SOX5: variants seen among roughly 807,000 people sequenced by gnomAD.
The protein encoded by SOX5 is transcription factor SOX-5.
In SOX5, 9 loss-of-function variants were observed where a neutral mutation model predicts 92.0. That is an observed-to-expected ratio of 0.10 (90% confidence interval 0.06 to 0.17). The LOEUF is 0.17. Among genes scored for constraint, SOX5 ranks in the 10% least tolerant of loss-of-function variants. The pLI is 1.00. For synonymous variants in SOX5, 344 were observed against 336.3 expected, an observed-to-expected ratio of 1.02 and a Z score of -0.25; for missense variants, 642 against 944.5, an observed-to-expected ratio of 0.68 and a Z score of 4.20.
intron 1 of SOX5, among the ~76,000 whole-genome samples, chr12:24,404,773 A>G (rs1252898647): frequency 6.6e-6 from 1 of 152,084 alleles, no homozygotes; most frequent in African/African-American, 2.4e-5. Flanking sequence ...TATGGGTTGC[A>G]TTGCCCCTTC....
intron 3 of SOX5, among the ~76,000 whole-genome samples, chr12:23,761,129 A>T (rs934593703): frequency 2.0e-5 from 3 of 152,250 alleles, no homozygotes; most frequent in Admixed American, 6.5e-5. Flanking sequence ...ATATACCAAT[A>T]TCTCCTTCAA....
chr12:24,106,404 C>A (rs78196476), intron 4 of SOX5, among the ~76,000 whole-genome samples: 5,689 of 152,210 alleles, frequency 0.037, 136 homozygotes, highest in Admixed American at 0.059. Flanking sequence ...CTATACATGA[C>A]ATCTAGAGAA....
chr12:24,539,441 A>G (rs1057056626), intron 1 of SOX5, among the ~76,000 whole-genome samples: 4 of 152,170 alleles, frequency 2.6e-5, no homozygotes, highest in Non-Finnish European at 4.4e-5. Flanking sequence ...TGATGTTACA[A>G]AAGTGTGTTC....
intron 1 of SOX5, among the ~76,000 whole-genome samples, chr12:23,914,539 T>A (rs1472314526): frequency 1.3e-5 from 2 of 152,028 alleles, no homozygotes; most frequent in African/African-American, 4.8e-5. Context: ...GAGAAAGAAG[T>A]GAATTAGAGG....
chr12:23,532,302 G>T lies in SOX5; in HGVS notation c.*1917C>A, dbSNP rs1396013454. On this transcript the variant is annotated 3_prime_UTR_variant, in exon 15 of 15. Coordinates refer to ENST00000451604, the MANE Select transcript of SOX5 (RefSeq NM_006940.6). Reference sequence around the variant, plus strand: ...TCTTCTGAGAGAGAGAAAAATAAAAGGGATTCTTTTTTTATTTATATGTAA... The same window carrying T: ...TCTTCTGAGAGAGAGAAAAATAAAATGGATTCTTTTTTTATTTATATGTAA... The T allele has an allele frequency of 6.6e-6, 1 of 152,036 alleles. No individual in the cohort carries two copies. The highest frequency in any genetic ancestry group is 1.5e-5 in the Non-Finnish European group (1 of 68,012). The allele number at this position is 152,036 out of a possible 1,614,324, so 9.4% of individuals were successfully genotyped here.
chr12:24,331,989 G>T (rs540733560), intron 2 of SOX5, among the ~76,000 whole-genome samples: 2 of 150,080 alleles, frequency 1.3e-5, no homozygotes, highest in Admixed American at 6.7e-5. Context: ...TGAGAGAAAA[G>T]ATCAAGACTG....
intron 4 of SOX5, among the ~76,000 whole-genome samples, chr12:24,075,665 G>T (rs1942482965): frequency 6.6e-6 from 1 of 151,590 alleles, no homozygotes; most frequent in Admixed American, 6.6e-5. Context: ...TTTTAAAAAA[G>T]ACATGATTGA....
At chr12:24,026,436 G>C (rs1569503553) in intron 4 of SOX5, among the ~76,000 whole-genome samples, 1 of 151,762 alleles carries the variant, frequency 6.6e-6, no homozygotes, top group Non-Finnish European at 1.5e-5. Flanking sequence ...CCATAGAGAA[G>C]ATGTTAACCC....
intron 3 of SOX5, among the ~76,000 whole-genome samples, chr12:24,224,050 T>C (rs1354071121): frequency 1.3e-5 from 2 of 152,234 alleles, no homozygotes; most frequent in Non-Finnish European, 2.9e-5. Context: ...GGTAGACAGA[T>C]GCCCCACTGG....
At chr12:24,381,716 C>T (rs530250525) in intron 1 of SOX5, among the ~76,000 whole-genome samples, 1 of 152,258 alleles carries the variant, frequency 6.6e-6, no homozygotes, top group South Asian at 2.1e-4. Context: ...CTCTTATGAG[C>T]CTCATACAGT....
chr12:23,872,498 T>C (rs1184053736), intron 2 of SOX5, among the ~76,000 whole-genome samples: 1 of 152,180 alleles, frequency 6.6e-6, no homozygotes, highest in Non-Finnish European at 1.5e-5. Context: ...GTAGTCCCTC[T>C]TATGGTTTGA....
At chr12:24,401,267 G>C (rs1961496207) in intron 1 of SOX5, among the ~76,000 whole-genome samples, 1 of 150,594 alleles carries the variant, frequency 6.6e-6, no homozygotes, top group Non-Finnish European at 1.5e-5. Context: ...CAGGAGAATT[G>C]CTTCAACCTG....
chr12:24,490,262 G>A (rs974637734), intron 1 of SOX5, among the ~76,000 whole-genome samples: 1 of 152,196 alleles, frequency 6.6e-6, no homozygotes, highest in African/African-American at 2.4e-5. Context: ...TCAGATTTTA[G>A]TTTGAACTTG....
intron 1 of SOX5, among the ~76,000 whole-genome samples, chr12:24,542,507 A>AT (rs1952230817): frequency 6.6e-6 from 1 of 152,170 alleles, no homozygotes; most frequent in African/African-American, 2.4e-5. Flanking sequence ...TGAGAAACTA[A>AT]TGTGCTCCAT....
intron 3 of SOX5, among the ~76,000 whole-genome samples, chr12:24,214,740 A>T (rs572384173): frequency 2.8e-4 from 43 of 152,230 alleles, no homozygotes; most frequent in Admixed American, 8.5e-4. Flanking sequence ...TCCACTTCTG[A>T]AATACTGGTC....
At chr12:23,777,263 T>G (rs1269812760) in intron 3 of SOX5, among the ~76,000 whole-genome samples, 1 of 152,158 alleles carries the variant, frequency 6.6e-6, no homozygotes, top group Non-Finnish European at 1.5e-5. Flanking sequence ...AAAGAAATGA[T>G]AAATTTGCAT....
intron 2 of SOX5, among the ~76,000 whole-genome samples, chr12:24,340,628 T>C (rs1298123907): frequency 2.0e-5 from 3 of 152,196 alleles, no homozygotes; most frequent in Non-Finnish European, 2.9e-5. Context: ...TCTGCTTCAT[T>C]GGTCACCAAT....
At chr12:24,242,884 T>C (rs897390287) in intron 3 of SOX5, among the ~76,000 whole-genome samples, 1 of 152,154 alleles carries the variant, frequency 6.6e-6, no homozygotes, top group Admixed American at 6.6e-5. Flanking sequence ...TAAGTAACAC[T>C]TAAGTGTATA....
At chr12:23,831,046 T>G (rs1156355529) in intron 3 of SOX5, among the ~76,000 whole-genome samples, 1 of 152,124 alleles carries the variant, frequency 6.6e-6, no homozygotes, top group African/African-American at 2.4e-5. Flanking sequence ...AATAATACCT[T>G]CTTTAGCACC....
Sources: gnomAD v4.1 joint callset for allele counts (sites outside exome capture counted in the v4.1 genomes callset) on GRCh38, gnomAD v4.1.1 for gene constraint, MANE v1.5 for transcripts, NCBI Gene and HGNC (gene_info 2026-07-23, HGNC 2026-07-21) for gene names.